The following GYS2 variants were observed in gnomAD, a reference collection of about 807,000 sequenced individuals.
The protein encoded by GYS2 is glycogen synthase 2, also known as glycogen [starch] synthase, liver.
In GYS2, 80 loss-of-function variants were observed where a neutral mutation model predicts 85.6. The observed-to-expected ratio is 0.93, with a 90% CI of 0.78 to 1.13. GYS2 has a LOEUF of 1.13. Ranked by LOEUF, GYS2 falls within the 50% of genes most tolerant of loss-of-function variation. GYS2 has a pLI of 0.00. For missense variants in GYS2, 881 were observed against 854.9 expected, an observed-to-expected ratio of 1.03 and a Z score of -0.38; for synonymous variants, 328 against 300.7, an observed-to-expected ratio of 1.09 and a Z score of -0.94.
At chr12:21,571,254 C>A (rs1944381598) in intron 4 of GYS2, among the ~76,000 whole-genome samples, 1 of 152,180 alleles carries the variant, frequency 6.6e-6, no homozygotes, top group Admixed American at 6.5e-5. Flanking sequence ...GTACGCGTGG[C>A]CACTCCTGTG....
intron 1 of GYS2, among the ~76,000 whole-genome samples, chr12:21,594,545 C>T (rs1944674669): frequency 6.6e-6 from 1 of 151,908 alleles, no homozygotes; most frequent in Admixed American, 6.6e-5. Flanking sequence ...AACCAAGGAA[C>T]CGAAAAACCT....
intron 3 of GYS2, 134 bp downstream of exon 3, chr12:21,575,732 C>T (rs2136905697): frequency 1.3e-6 from 1 of 741,306 alleles, no homozygotes; most frequent in Non-Finnish European, 2.4e-6. Context: ...CCTCAGATTT[C>T]TTTCAATTGT....
At chr12:21,566,865 A>G (rs1944327159) in intron 5 of GYS2, among the ~76,000 whole-genome samples, 1 of 152,192 alleles carries the variant, frequency 6.6e-6, no homozygotes, top group African/African-American at 2.4e-5. Context: ...ACTACTCTGT[A>G]GCTATATTCT....
chr12:21,546,425 G>T lies in GYS2; in HGVS notation c.1468C>A (p.Pro490Thr), dbSNP rs374053036. The change falls in exon 12 of 16, where the codon CCC becomes ACC. Residue 490 changes from proline (P) to threonine (T), a missense_variant. Pro to Thr is a conservative substitution (Grantham distance 38). Coordinates refer to ENST00000261195, the MANE Select transcript of GYS2 (RefSeq NM_021957.4). ...CTAACAAACTCTTCATAGTCCATGG[G>T]TAGTAAGGGACTGGTGGAGGATAGA... ...EFLSSTSPLL[P>T]MDYEEFVRGC... The T allele has an allele frequency of 6.3e-7, 1 of 1,585,166 alleles. No individual in the cohort carries two copies.
At chr12:21,537,321 T>C (rs1217733488) in intron 15 of GYS2, 146 bp from the exon 16 acceptor site, 2 of 680,740 alleles carry the variant, frequency 2.9e-6, no homozygotes, top group Non-Finnish European at 5.3e-6. Context: ...CATTTTGATT[T>C]TGATACCACC....
chr12:21,556,171 T>C (rs1944176736), intron 11 of GYS2, among the ~76,000 whole-genome samples: 2 of 152,174 alleles, frequency 1.3e-5, no homozygotes, highest in Non-Finnish European at 2.9e-5. Context: ...CCTAGTCTTT[T>C]TAATTTTTGT....
At chr12:21,535,209 C>T (rs1943899557), downstream of GYS2, 1 of 152,208 alleles carries the variant, frequency 6.6e-6, no homozygotes, top group South Asian at 2.1e-4. Flanking sequence ...CTTACATCTT[C>T]AGGTATTTTA....
Position 21,536,824 on chromosome 12 carries a change from C to A in GYS2, c.*130G>T, listed in dbSNP as rs562217080. On this transcript the variant is annotated 3_prime_UTR_variant, in exon 16 of 16. Coordinates refer to ENST00000261195, the MANE Select transcript of GYS2 (RefSeq NM_021957.4). ...ATTGTCATTCACTCAATTTCTTCCA[C>A]TTTTTAGGCAGAGAATAAACTCCAT... is the stretch of plus-strand genomic sequence containing the variant. 2.7e-5 allele frequency: 19 copies of A among 696,198 alleles called. No individual in the cohort carries two copies. The Admixed American group carries it at 2.9e-4, about 10-fold the overall frequency. The allele number at this position is 696,198 out of a possible 1,614,324, so 43.1% of individuals were successfully genotyped here.
chr12:21,567,348 T>C (rs902034717), intron 5 of GYS2, among the ~76,000 whole-genome samples: 1 of 151,986 alleles, frequency 6.6e-6, no homozygotes, highest in African/African-American at 2.4e-5. Context: ...CAGAGAAAGA[T>C]AACTGTAGAC....
intron 2 of GYS2, among the ~76,000 whole-genome samples, chr12:21,579,801 A>G (rs992259381): frequency 6.6e-6 from 1 of 152,140 alleles, no homozygotes; most frequent in African/African-American, 2.4e-5. Context: ...AGGAGGACCC[A>G]CCTAGATAAC....
chr12:21,553,537 T>C (rs1017363831), intron 11 of GYS2, among the ~76,000 whole-genome samples: 2 of 152,206 alleles, frequency 1.3e-5, no homozygotes, highest in Non-Finnish European at 2.9e-5. Flanking sequence ...TGAAGTCATT[T>C]CTGCCCAACA....
rs1944787740 is a variant in GYS2 at position 21,604,660 on chromosome 12, A to C, written c.-68T>G. ...ATTAGTTGTAATCCCAGGAGAAGAG[A>C]ACTTACAGGCACAAAAGTTAGAGTT... On this transcript the variant is annotated 5_prime_UTR_variant, in exon 1 of 16. Coordinates refer to ENST00000261195, the MANE Select transcript of GYS2 (RefSeq NM_021957.4). 6.2e-7 allele frequency: 1 copy of C among 1,605,854 alleles called. No homozygotes were observed. The highest frequency in any genetic ancestry group is 1.3e-5 in the African/African-American group (1 of 74,612).
rs770896670 is a variant in GYS2, at chr12:21,559,635, C to G, written c.1229+16G>C. ...AACCTTAAGTGATTGAAGTAGAAAG[C>G]ATTTCAAGCACCTACCTTAATAATG... is the stretch of plus-strand genomic sequence containing the variant. On this transcript the variant is annotated intron_variant, in intron 9 of 15. Transcript: ENST00000261195. The G allele has an allele frequency of 7.3e-7, 1 of 1,376,010 alleles. No individual in the cohort carries two copies. The highest frequency in any genetic ancestry group is 1.4e-5 in the African/African-American group (1 of 70,782). 85.2% of individuals were successfully genotyped at this position (1,376,010 alleles called of 1,614,324 possible). A position where few individuals can be genotyped will look rare whatever the true frequency, so the allele number is the denominator to read the frequency against.
At chr12:21,569,134 A>T in intron 4 of GYS2, 125 bp from the exon 5 acceptor site, 1 of 888,646 alleles carries the variant, frequency 1.1e-6, no homozygotes, top group Non-Finnish European at 1.8e-6. Context: ...ACCACAAAAA[A>T]GTAATAAAAA....
intron 12 of GYS2, among the ~76,000 whole-genome samples, 155 bp from the exon 13 acceptor site, chr12:21,542,746 T>C (rs1943994260): frequency 6.6e-6 from 1 of 152,232 alleles, no homozygotes; most frequent in Non-Finnish European, 1.5e-5. Context: ...CACTAACTTA[T>C]TTAATCTCTC....
rs1293523527 is a variant in GYS2 at position 21,604,515 on chromosome 12, C to T, written c.78G>A (p.Glu26=). The change falls in exon 1 of 16, where the codon GAG becomes GAA. Residue 26 remains glutamate, a synonymous_variant. Transcript: ENST00000261195. Reference sequence around the variant, plus strand: ...AAGCAACTTCAAAGAGCAGTAACTCCTCCACAGGAAGTTCTTCGACTTCCC... The same window carrying T: ...AAGCAACTTCAAAGAGCAGTAACTCTTCCACAGGAAGTTCTTCGACTTCCC... ...PQWEVEELPV[E]ELLLFEVAWE... The T allele has an allele frequency of 1.9e-6, 3 of 1,612,716 alleles. No homozygotes were observed. The highest frequency in any genetic ancestry group is 2.2e-5 in the East Asian group (1 of 44,876).
At chr12:21,604,140 T>C (rs1944781632) in intron 1 of GYS2, among the ~76,000 whole-genome samples, 2 of 152,184 alleles carry the variant, frequency 1.3e-5, no homozygotes, top group Non-Finnish European at 2.9e-5. Context: ...TATACTATTT[T>C]GCTGAGAAAA....
chr12:21,576,090 A>G, intron 2 of GYS2, 33 bp from the exon 3 acceptor site: 1 of 1,548,260 alleles, frequency 6.5e-7, no homozygotes, highest in Non-Finnish European at 8.9e-7. Flanking sequence ...ATGTAGTGAT[A>G]TTAAGTCATG....
intron 1 of GYS2, among the ~76,000 whole-genome samples, chr12:21,591,388 A>G (rs1237477776): frequency 1.3e-5 from 2 of 152,102 alleles, no homozygotes; most frequent in Admixed American, 6.5e-5. Flanking sequence ...GATCAGATCA[A>G]GCAGAAGAAA....
Sources: allele counts gnomAD v4.1 joint callset (sites outside exome capture counted in the v4.1 genomes callset), GRCh38; gene constraint gnomAD v4.1.1; transcripts MANE v1.5; gene names NCBI Gene and HGNC (gene_info 2026-07-23, HGNC 2026-07-21).